The following GRID1 variants were observed in gnomAD, a reference collection of about 807,000 sequenced individuals.
GRID1 encodes glutamate receptor ionotropic, delta-1.
Under a neutral mutation model 98.0 loss-of-function variants are expected in GRID1, and 28 were observed. The ratio of observed to expected loss-of-function variants is 0.29; its 90% CI spans 0.21 to 0.39. The LOEUF (loss-of-function observed/expected upper bound fraction) is 0.39. Among genes scored for constraint, GRID1 ranks in the 10% least tolerant of loss-of-function variants. The pLI, the probability that GRID1 is intolerant of heterozygous loss-of-function variation, is 1.00. For missense variants in GRID1, 1,111 were observed against 1,340.5 expected, an observed-to-expected ratio of 0.83 and a Z score of 2.67; for synonymous variants, 553 against 538.5, an observed-to-expected ratio of 1.03 and a Z score of -0.37.
At chr10:85,893,227 C>T (rs1480333466) in intron 5 of GRID1, among the ~76,000 whole-genome samples, 1 of 152,044 alleles carries the variant, frequency 6.6e-6, no homozygotes, top group African/African-American at 2.4e-5. Context: ...TAAAAGAAAA[C>T]TTCTTCAACA....
At chr10:86,097,967 G>A (rs1844244960) in intron 4 of GRID1, among the ~76,000 whole-genome samples, 1 of 152,048 alleles carries the variant, frequency 6.6e-6, no homozygotes, top group Non-Finnish European at 1.5e-5. Context: ...AAATACAATC[G>A]AGTGGTTATT....
intron 8 of GRID1, among the ~76,000 whole-genome samples, chr10:85,767,944 A>G (rs1842213567): frequency 1.3e-5 from 2 of 152,234 alleles, no homozygotes; most frequent in Admixed American, 1.3e-4. Flanking sequence ...TGCTGTTTGC[A>G]GAAAAAAATC....
intron 2 of GRID1, among the ~76,000 whole-genome samples, chr10:86,323,024 G>A (rs757947382): frequency 2.0e-5 from 3 of 152,060 alleles, no homozygotes; most frequent in Non-Finnish European, 4.4e-5. Context: ...GAACCTGGGA[G>A]GTGCAGAAGT....
At chr10:86,125,981 G>A (rs72835271) in intron 4 of GRID1, among the ~76,000 whole-genome samples, 9,582 of 152,152 alleles carry the variant, frequency 0.063, 405 homozygotes, top group South Asian at 0.21. Flanking sequence ...AAGTTTTGGG[G>A]GAGTCAAAAG....
At chr10:85,830,768 C>A (rs1842860672) in intron 8 of GRID1, among the ~76,000 whole-genome samples, 1 of 152,026 alleles carries the variant, frequency 6.6e-6, no homozygotes, top group Admixed American at 6.6e-5. Flanking sequence ...TGATGTACCA[C>A]CTCACACCAG....
At position 86,092,711 on chromosome 10, in the gene GRID1, A is replaced by G. The variant is rs138445795; in HGVS notation, c.726+46108T>C. On this transcript the variant is annotated intron_variant, in intron 4 of 15. Transcript: ENST00000327946. ...ACAATCCTAAACATACATGCAGCTA[A>G]CACTGGAGCTCCCAAATTTATAAAA... is the stretch of plus-strand genomic sequence containing the variant. 1.4e-4 allele frequency among the ~76,000 whole-genome samples: 21 copies of G among 152,358 alleles called. No individual in the cohort carries two copies. In the East Asian group the frequency reaches 3.7e-3, roughly 27 times the overall value.
intron 4 of GRID1, among the ~76,000 whole-genome samples, chr10:86,068,120 G>A (rs913853042): frequency 6.6e-6 from 1 of 152,200 alleles, no homozygotes; most frequent in Admixed American, 6.5e-5. Context: ...TGGAGTATGG[G>A]AAAACGTCGC....
intron 5 of GRID1, among the ~76,000 whole-genome samples, chr10:85,897,315 T>C (rs1316118456): frequency 6.6e-6 from 1 of 152,158 alleles, no homozygotes; most frequent in African/African-American, 2.4e-5. Flanking sequence ...TCCCAAGATA[T>C]TTTCTTTCAA....
chr10:86,121,151 G>A (rs1263498765), intron 4 of GRID1, among the ~76,000 whole-genome samples: 1 of 152,132 alleles, frequency 6.6e-6, no homozygotes. Flanking sequence ...CGTAAGTCAG[G>A]GAGGGGAAGC....
At chr10:85,839,167 G>A (rs533318171) in intron 8 of GRID1, among the ~76,000 whole-genome samples, 3 of 152,264 alleles carry the variant, frequency 2.0e-5, no homozygotes, top group African/African-American at 7.2e-5. Context: ...GACATTCAAA[G>A]AGACTCAGAC....
chr10:85,843,211 T>C (rs1842975814), intron 8 of GRID1, among the ~76,000 whole-genome samples: 1 of 151,624 alleles, frequency 6.6e-6, no homozygotes, highest in South Asian at 2.1e-4. Context: ...TTTAAACAAA[T>C]GGTGATGAGG....
At chr10:85,729,725 C>A in intron 8 of GRID1, 111 bp from the exon 9 acceptor site, 2 of 628,142 alleles carry the variant, frequency 3.2e-6, no homozygotes, top group East Asian at 2.7e-5. Flanking sequence ...GAACAGTAGT[C>A]CCCTGGAGTT....
At chr10:85,648,155 G>A (rs928207616) in intron 12 of GRID1, 2 of 152,244 alleles carry the variant, frequency 1.3e-5, no homozygotes, top group African/African-American at 2.4e-5. Flanking sequence ...TCTCCTTAGA[G>A]GAGTGGCAGG....
At chr10:86,202,250 T>C (rs1778930742) in intron 3 of GRID1, among the ~76,000 whole-genome samples, 1 of 152,224 alleles carries the variant, frequency 6.6e-6, no homozygotes, top group Admixed American at 6.5e-5. Context: ...ACTCCACCCA[T>C]CTGTGTCTTC....
At chr10:85,890,646 C>A (rs1841186427) in intron 5 of GRID1, among the ~76,000 whole-genome samples, 1 of 152,126 alleles carries the variant, frequency 6.6e-6, no homozygotes, top group African/African-American at 2.4e-5. Context: ...AGAACCAGAA[C>A]CAGCTCTTCC....
intron 8 of GRID1, among the ~76,000 whole-genome samples, chr10:85,848,745 C>G (rs1487884976): frequency 1.3e-5 from 2 of 152,158 alleles, no homozygotes; most frequent in African/African-American, 4.8e-5. Flanking sequence ...GATAAAAACA[C>G]TACCTAAAAT....
intron 8 of GRID1, among the ~76,000 whole-genome samples, chr10:85,793,931 C>A (rs916292521): frequency 6.6e-6 from 1 of 152,102 alleles, no homozygotes; most frequent in Admixed American, 6.5e-5. Flanking sequence ...AAACTGGAAA[C>A]AACAGAATTA....
At chr10:86,051,459 A>G (rs1241296575) in intron 4 of GRID1, among the ~76,000 whole-genome samples, 1 of 152,104 alleles carries the variant, frequency 6.6e-6, no homozygotes, top group Non-Finnish European at 1.5e-5. Flanking sequence ...ACATAAAAGA[A>G]AAAGGAACCA....
chr10:85,984,211 G>A (rs1235242404), intron 4 of GRID1, among the ~76,000 whole-genome samples: 3 of 152,064 alleles, frequency 2.0e-5, no homozygotes, highest in African/African-American at 7.2e-5. Flanking sequence ...GCTCCTAATA[G>A]GTGTCCTGTG....
Sources: allele counts gnomAD v4.1 joint callset (sites outside exome capture counted in the v4.1 genomes callset), GRCh38; gene constraint gnomAD v4.1.1; transcripts MANE v1.5; gene names NCBI Gene and HGNC (gene_info 2026-07-23, HGNC 2026-07-21).